KIAA1671: variants seen among roughly 807,000 people sequenced by gnomAD.
The protein encoded by KIAA1671 is KIAA1671.
KIAA1671 carries 52 observed loss-of-function variants against 131.2 expected under a neutral mutation model. The ratio of observed to expected loss-of-function variants is 0.40; its 90% CI spans 0.32 to 0.50. The LOEUF (loss-of-function observed/expected upper bound fraction) is 0.50, where lower values mean the gene tolerates loss of function less well. KIAA1671 is among the 20% of genes least tolerant of loss of function. KIAA1671 has a pLI of 0.73. For missense variants in KIAA1671, 2,360 were observed against 2,364.2 expected, an observed-to-expected ratio of 1.00 and a Z score of 0.04; for synonymous variants, 1,003 against 961.6, an observed-to-expected ratio of 1.04 and a Z score of -0.80.
chr22:25,097,131 C>T (rs901806118), intron 6 of KIAA1671, among the ~76,000 whole-genome samples: 1 of 152,152 alleles, frequency 6.6e-6, no homozygotes, highest in African/African-American at 2.4e-5. Context: ...GGGTAAATAC[C>T]TACAAGTGAG....
At chr22:25,050,558 G>T (rs1927480471) in intron 6 of KIAA1671, 1 of 152,226 alleles carries the variant, frequency 6.6e-6, no homozygotes. Context: ...ATGGCCACAG[G>T]CAAGAAACTT....
chr22:25,139,017 G>A (rs1054831808), intron 6 of KIAA1671, among the ~76,000 whole-genome samples: 1 of 152,180 alleles, frequency 6.6e-6, no homozygotes, highest in Non-Finnish European at 1.5e-5. Context: ...GCAGAGAGAA[G>A]CACCAGCCAC....
intron 5 of KIAA1671, among the ~76,000 whole-genome samples, chr22:25,044,068 T>C (rs1014212360): frequency 1.3e-4 from 20 of 151,832 alleles, no homozygotes; most frequent in South Asian, 2.1e-4. Flanking sequence ...AGTGATGGAG[T>C]CAGGCTTTGA....
intron 6 of KIAA1671, among the ~76,000 whole-genome samples, chr22:25,069,093 C>T (rs1444617647): frequency 6.6e-6 from 1 of 152,208 alleles, no homozygotes; most frequent in African/African-American, 2.4e-5. Context: ...GAATCCCTGT[C>T]TCACTGTTTA....
chr22:25,096,490 C>T (rs761893109), intron 6 of KIAA1671, among the ~76,000 whole-genome samples: 2 of 152,170 alleles, frequency 1.3e-5, no homozygotes, highest in Non-Finnish European at 2.9e-5. Flanking sequence ...TTCCATCTTC[C>T]CTCCCTGTTG....
chr22:25,073,840 C>A (rs928779525), intron 6 of KIAA1671, among the ~76,000 whole-genome samples: 1 of 152,140 alleles, frequency 6.6e-6, no homozygotes, highest in Non-Finnish European at 1.5e-5. Context: ...ACTACAGGTG[C>A]GTGCCACCAT....
At chr22:24,970,539 T>C (rs1922544696) in intron 1 of KIAA1671, among the ~76,000 whole-genome samples, 1 of 152,032 alleles carries the variant, frequency 6.6e-6, no homozygotes, top group Non-Finnish European at 1.5e-5. Flanking sequence ...CCTAATAGGG[T>C]AGATGTGCCT....
At chr22:25,137,678 T>C (rs1380729384) in intron 6 of KIAA1671, among the ~76,000 whole-genome samples, 1 of 152,262 alleles carries the variant, frequency 6.6e-6, no homozygotes, top group Non-Finnish European at 1.5e-5. Flanking sequence ...TCTATAAGTG[T>C]GTTTTTCACT....
At chr22:25,094,848 C>A (rs1296437724) in intron 6 of KIAA1671, among the ~76,000 whole-genome samples, 2 of 152,114 alleles carry the variant, frequency 1.3e-5, no homozygotes, top group Non-Finnish European at 2.9e-5. Flanking sequence ...ATCAGGAAGC[C>A]AGCCCTTCCT....
chr22:25,049,205 C>A, intron 5 of KIAA1671, 25 bp from the exon 6 acceptor site: 1 of 1,547,700 alleles, frequency 6.5e-7, no homozygotes, highest in Non-Finnish European at 8.7e-7. Context: ...CCAGTAAAGT[C>A]CTTTTCTTGT....
intron 1 of KIAA1671, among the ~76,000 whole-genome samples, chr22:25,017,327 G>A (rs935492014): frequency 6.6e-6 from 1 of 152,166 alleles, no homozygotes; most frequent in Non-Finnish European, 1.5e-5. Flanking sequence ...AGGCTGCAGT[G>A]AGCCGAGATT....
chr22:25,018,162 C>A lies in KIAA1671; in HGVS notation c.-207-7471C>A, dbSNP rs531804918. On this transcript the variant is annotated intron_variant, in intron 1 of 12. Coordinates refer to ENST00000358431, the MANE Select transcript of KIAA1671 (RefSeq NM_001145206.2). The stretch of plus-strand genomic sequence containing the variant: ...CTGTCTGCCCCCATCAGGGCACCTC[C>A]CAAATTTCAGTGTTTCCTTTCCTCC... 9.2e-5 allele frequency among the ~76,000 whole-genome samples: 14 copies of A among 152,196 alleles called. No individual in the cohort carries two copies. In the South Asian group the frequency reaches 2.9e-3, roughly 32 times the overall value.
chr22:25,172,943 A>G (rs1019003351), intron 7 of KIAA1671, among the ~76,000 whole-genome samples: 3 of 152,200 alleles, frequency 2.0e-5, no homozygotes, highest in African/African-American at 4.8e-5. Flanking sequence ...CATGAGGCCA[A>G]TTATATTAGT....
chr22:25,043,074 A>G (rs1927036131), intron 5 of KIAA1671, among the ~76,000 whole-genome samples: 1 of 131,874 alleles, frequency 7.6e-6, no homozygotes. Flanking sequence ...TGTTCAGTGA[A>G]GAACAGAGAG....
In KIAA1671 at chr22:25,038,892, G is replaced by A. The variant is rs1926760599; in HGVS notation, c.1762G>A (p.Gly588Arg). The change falls in exon 5 of 13, where the codon GGA becomes AGA. Residue 588 changes from glycine (G) to arginine (R), a missense_variant. Physicochemically the swap from Gly to Arg is moderately radical, Grantham distance 125. Around this residue, in one of 3 missense-constraint regions of KIAA1671, gnomAD observed 1,185 missense variants for 1,126.2 expected, o/e 1.05. Coordinates refer to ENST00000358431, the MANE Select transcript of KIAA1671 (RefSeq NM_001145206.2). ...CCAAGACCCCGACAGCTGTCGCGGT[G>A]GAAGCTCAGTGGAGGCCCCGTGCCC... ...SNQDPDSCRG[G>R]SSVEAPCPSD... 9 of 1,551,638 alleles carry A rather than the reference G, an allele frequency of 5.8e-6. No individual in the cohort carries two copies. The South Asian group carries it at 1.1e-4, about 18-fold the overall frequency.
chr22:25,016,465 C>CA, intron 1 of KIAA1671, among the ~76,000 whole-genome samples: 1 of 152,244 alleles, frequency 6.6e-6, no homozygotes, highest in Non-Finnish European at 1.5e-5. Context: ...GAATCAGAAT[C>CA]ACGGAATCTT....
At chr22:24,980,310 C>T (rs1350172165) in intron 1 of KIAA1671, among the ~76,000 whole-genome samples, 7 of 136,394 alleles carry the variant, frequency 5.1e-5, no homozygotes, top group South Asian at 2.3e-4. Context: ...CTTGCTCTGT[C>T]GCCCAGGCTA....
At chr22:25,093,768 GTCTCTCTCTCTC>G (rs71191028) in intron 6 of KIAA1671, among the ~76,000 whole-genome samples, 2,707 of 60,792 alleles carry the variant, frequency 0.045, 48 homozygotes, top group Non-Finnish European at 0.056. Context: ...CTCTCTCTCT[GTCTCTCTCTCTC>G]TCTCTCTCTC....
intron 1 of KIAA1671, among the ~76,000 whole-genome samples, chr22:24,956,741 G>C (rs1050251851): frequency 2.6e-5 from 4 of 152,054 alleles, no homozygotes; most frequent in Non-Finnish European, 5.9e-5. Context: ...GCGTGGTGGC[G>C]GGTGCCTGTA....
Sources: gnomAD v4.1 joint callset for allele counts (sites outside exome capture counted in the v4.1 genomes callset) on GRCh38, gnomAD v4.1.1 for gene constraint, gnomAD v4.1.1 regional missense constraint, MANE v1.5 for transcripts, NCBI Gene and HGNC (gene_info 2026-07-23, HGNC 2026-07-21) for gene names.